CTNNA2: variants seen among roughly 807,000 people sequenced by gnomAD.
CTNNA2 encodes catenin alpha-2.
CTNNA2 carries 42 observed loss-of-function variants against 101.0 expected under a neutral mutation model. That is an observed-to-expected ratio of 0.42 (90% confidence interval 0.32 to 0.54). CTNNA2 has a LOEUF of 0.54. Ranked by LOEUF, CTNNA2 falls within the 20% of genes least tolerant of loss-of-function variation. CTNNA2 has a pLI of 0.14. For synonymous variants in CTNNA2, 450 were observed against 456.4 expected (o/e 0.99, Z 0.18); for missense variants, 871 against 1,223.1 (o/e 0.71, Z 4.29).
chr2:80,609,859 C>A (rs966985965), intron 17 of CTNNA2, among the ~76,000 whole-genome samples: 1 of 151,758 alleles, frequency 6.6e-6, no homozygotes, highest in African/African-American at 2.4e-5. Context: ...CCATCATCCT[C>A]TCAGTACCCA....
intron 7 of CTNNA2, among the ~76,000 whole-genome samples, chr2:80,122,706 A>G (rs1701907395): frequency 1.3e-5 from 2 of 152,180 alleles, no homozygotes; most frequent in Admixed American, 6.5e-5. Context: ...TTATGTAGTT[A>G]TAGTATAGGT....
chr2:79,866,108 T>G (rs1682076116), intron 4 of CTNNA2, among the ~76,000 whole-genome samples: 1 of 152,164 alleles, frequency 6.6e-6, no homozygotes, highest in Admixed American at 6.6e-5. Flanking sequence ...ATGACACAGT[T>G]CTAGACTAAA....
At chr2:79,790,075 A>G (rs908500072) in intron 3 of CTNNA2, among the ~76,000 whole-genome samples, 1 of 152,214 alleles carries the variant, frequency 6.6e-6, no homozygotes, top group Non-Finnish European at 1.5e-5. Flanking sequence ...TTCTAGAGCA[A>G]ATGAGAATCA....
intron 7 of CTNNA2, among the ~76,000 whole-genome samples, chr2:80,222,310 C>G (rs1485717772): frequency 6.7e-6 from 1 of 148,834 alleles, no homozygotes; most frequent in Non-Finnish European, 1.5e-5. Context: ...TCATACTCTA[C>G]CTGATTTCAA....
intron 4 of CTNNA2, among the ~76,000 whole-genome samples, chr2:79,378,612 G>A (rs1478465228): frequency 6.6e-6 from 1 of 152,102 alleles, no homozygotes; most frequent in East Asian, 1.9e-4. Flanking sequence ...TATGTAGTTT[G>A]AGAGTTTCCA....
intron 7 of CTNNA2, among the ~76,000 whole-genome samples, chr2:80,119,778 A>G (rs1456304648): frequency 6.6e-6 from 1 of 152,172 alleles, no homozygotes; most frequent in Non-Finnish European, 1.5e-5. Flanking sequence ...GGGAGGAGAG[A>G]TTAAAAAGTT....
chr2:79,273,260 C>T (rs1675130752), intron 2 of CTNNA2, among the ~76,000 whole-genome samples: 1 of 152,030 alleles, frequency 6.6e-6, no homozygotes, highest in African/African-American at 2.4e-5. Flanking sequence ...TTATTATCAT[C>T]TCCAGTTTAC....
intron 4 of CTNNA2, among the ~76,000 whole-genome samples, chr2:79,417,588 C>A (rs183168825): frequency 6.6e-6 from 1 of 152,252 alleles, no homozygotes; most frequent in East Asian, 1.9e-4. Context: ...TCTCCCTTTT[C>A]AAATGCTCTC....
At chr2:79,342,940 A>G (rs1163879269) in intron 3 of CTNNA2, among the ~76,000 whole-genome samples, 2 of 152,222 alleles carry the variant, frequency 1.3e-5, no homozygotes, top group African/African-American at 2.4e-5. Context: ...AGCGACCTGC[A>G]GGGCCTTCTC....
intron 7 of CTNNA2, among the ~76,000 whole-genome samples, chr2:80,152,093 G>C (rs924124171): frequency 6.6e-6 from 1 of 152,202 alleles, no homozygotes; most frequent in Non-Finnish European, 1.5e-5. Context: ...CACTATAAAA[G>C]GCAGTGAGTG....
intron 2 of CTNNA2, among the ~76,000 whole-genome samples, chr2:79,721,545 G>A (rs1241050529): frequency 6.6e-6 from 1 of 152,172 alleles, no homozygotes; most frequent in Admixed American, 6.5e-5. Context: ...CTAGCAGCCT[G>A]TACGCTTCAT....
At chr2:79,407,442 GT>G (rs141280176) in intron 4 of CTNNA2, among the ~76,000 whole-genome samples, 2 of 151,440 alleles carry the variant, frequency 1.3e-5, no homozygotes, top group East Asian at 1.9e-4. Context: ...TTATTTTCTG[GT>G]TTTTTTTCTC....
intron 7 of CTNNA2, among the ~76,000 whole-genome samples, chr2:79,987,723 A>G (rs750512927): frequency 2.0e-5 from 3 of 152,208 alleles, no homozygotes; most frequent in Non-Finnish European, 4.4e-5. Flanking sequence ...TCTCTCTGAC[A>G]TTGTAAAAAA....
chr2:80,076,538 G>A (rs566060016), intron 7 of CTNNA2, among the ~76,000 whole-genome samples: 9 of 150,900 alleles, frequency 6.0e-5, no homozygotes, highest in South Asian at 4.2e-4. Flanking sequence ...CTGCCTTGGC[G>A]TCCCAAATTT....
chr2:79,396,523 A>C (rs566368175), intron 4 of CTNNA2, among the ~76,000 whole-genome samples: 1 of 152,246 alleles, frequency 6.6e-6, no homozygotes, highest in Non-Finnish European at 1.5e-5. Flanking sequence ...TGCTCACTGA[A>C]GAAGGAGATT....
chr2:79,819,323 A>G (rs1338884270), intron 3 of CTNNA2, among the ~76,000 whole-genome samples: 1 of 152,072 alleles, frequency 6.6e-6, no homozygotes, highest in Non-Finnish European at 1.5e-5. Context: ...TCTGTGCGCC[A>G]TTACTTCCTG....
At chr2:80,631,491 T>G (rs1271994775) in intron 18 of CTNNA2, among the ~76,000 whole-genome samples, 1 of 152,048 alleles carries the variant, frequency 6.6e-6, no homozygotes, top group East Asian at 1.9e-4. Context: ...GACAATATGT[T>G]GTCCATCCAT....
At chr2:80,080,455 C>CA (rs1699064712) in intron 7 of CTNNA2, among the ~76,000 whole-genome samples, 1 of 152,120 alleles carries the variant, frequency 6.6e-6, no homozygotes, top group Admixed American at 6.5e-5. Context: ...ACTAAATGTA[C>CA]AAAAATCAAT....
intron 1 of CTNNA2, among the ~76,000 whole-genome samples, chr2:79,522,779 G>A (rs1452629989): frequency 6.6e-6 from 1 of 152,158 alleles, no homozygotes; most frequent in Non-Finnish European, 1.5e-5. Context: ...TAGAGTGAAG[G>A]GGAGAGGCTG....
Sources: allele counts gnomAD v4.1 joint callset (sites outside exome capture counted in the v4.1 genomes callset), GRCh38; gene constraint gnomAD v4.1.1; transcripts MANE v1.5; gene names NCBI Gene and HGNC (gene_info 2026-07-23, HGNC 2026-07-21).